The following MEGF11 variants were observed in gnomAD, a reference collection of about 807,000 sequenced individuals.
MEGF11 encodes multiple EGF like domains 11.
In MEGF11, 126 loss-of-function variants were observed where a neutral mutation model predicts 146.6. That is an observed-to-expected ratio of 0.86 (90% CI 0.74 to 1.00). MEGF11 has a LOEUF of 1.00. Ranked by LOEUF, MEGF11 falls within the 50% of genes least tolerant of loss-of-function variation. MEGF11 has a pLI of 0.00. For missense variants in MEGF11, 1,509 were observed against 1,521.2 expected (o/e 0.99, Z 0.13); for synonymous variants, 532 against 583.4 (o/e 0.91, Z 1.27).
intron 5 of MEGF11, among the ~76,000 whole-genome samples, chr15:66,014,944 C>A (rs545572961): frequency 6.9e-6 from 1 of 144,188 alleles, no homozygotes; most frequent in East Asian, 2.1e-4. Flanking sequence ...TGCTTGTACG[C>A]GCTCAACAAC....
Position 65,916,243 on chromosome 15 carries a change from C to T in MEGF11, c.2249G>A (p.Gly750Glu). 6.4e-7 allele frequency: 1 copy of T among 1,559,660 alleles called. No homozygotes were observed. Among genetic ancestry groups the T allele is most frequent in the Non-Finnish European group, 8.7e-7 (1 of 1,151,726 alleles). The change falls in exon 18 of 26, where the codon GGG becomes GAG. Residue 750 changes from glycine to glutamate, a missense_variant. Transcript: ENST00000395614. Reference protein sequence around the residue: ...CPAAFFGKDCGRVCQCQNGAS... With the variant: ...CPAAFFGKDCERVCQCQNGAS... ...GCCATTCTGACACTGGCATACGCGCCCACAGTCCTTCCCAAAAAATGCTGC... is the reference window on the plus strand; with the variant it reads ...GCCATTCTGACACTGGCATACGCGCTCACAGTCCTTCCCAAAAAATGCTGC...
rs535695927 is a variant in MEGF11 at position 65,957,435 on chromosome 15, C to T, written c.1287+112G>A. 3.5e-4 allele frequency: 356 copies of T among 1,030,448 alleles called. 1 individual carries two copies. Among genetic ancestry groups the T allele is most frequent in the Middle Eastern group, 1.9e-3 (6 of 3,120 alleles). 63.8% of individuals were successfully genotyped at this position (1,030,448 alleles called of 1,614,324 possible). On this transcript the variant is annotated intron_variant, in intron 10 of 25. Coordinates refer to ENST00000395614, the MANE Select transcript of MEGF11 (RefSeq NM_001385028.1). ...CCCCTCATGAAGTCTGTCTCTGAGG[C>T]GGACACAAGGAGGCAGCTGGGTGCA...
intron 10 of MEGF11, among the ~76,000 whole-genome samples, chr15:65,939,017 T>C (rs2079885382): frequency 6.6e-6 from 1 of 152,176 alleles, no homozygotes; most frequent in Admixed American, 6.5e-5. Context: ...TTTTTTGGAC[T>C]AATTGGAGGA....
chr15:66,218,452 C>T (rs1458654604), intron 1 of MEGF11, among the ~76,000 whole-genome samples: 1 of 152,154 alleles, frequency 6.6e-6, no homozygotes, highest in Non-Finnish European at 1.5e-5. Context: ...TCCCCAAACT[C>T]GATTTTCCCA....
At chr15:65,920,459 C>A (rs1596840651) in intron 15 of MEGF11, among the ~76,000 whole-genome samples, 1 of 152,212 alleles carries the variant, frequency 6.6e-6, no homozygotes, top group African/African-American at 2.4e-5. Context: ...GGTGCCAGAG[C>A]TGCTCCCCCT....
intron 18 of MEGF11, among the ~76,000 whole-genome samples, chr15:65,915,864 T>C (rs2078980423): frequency 6.6e-6 from 1 of 151,940 alleles, no homozygotes; most frequent in Non-Finnish European, 1.5e-5. Flanking sequence ...CTGAATGCCA[T>C]AGGGACTTTA....
chr15:66,125,797 A>G (rs956474196), intron 2 of MEGF11, among the ~76,000 whole-genome samples: 1 of 152,128 alleles, frequency 6.6e-6, no homozygotes, highest in African/African-American at 2.4e-5. Context: ...AACACACAGA[A>G]TGGATTCCCC....
chr15:66,142,343 A>G (rs2089200098), intron 1 of MEGF11, among the ~76,000 whole-genome samples: 1 of 152,240 alleles, frequency 6.6e-6, no homozygotes, highest in Non-Finnish European at 1.5e-5. Context: ...AGCCGTGGCA[A>G]CATCTTTGCA....
At chr15:66,183,196 G>A (rs2090598895) in intron 1 of MEGF11, among the ~76,000 whole-genome samples, 1 of 152,118 alleles carries the variant, frequency 6.6e-6, no homozygotes, top group African/African-American at 2.4e-5. Context: ...TGAGGAGAGG[G>A]GAAGGAGAAG....
intron 4 of MEGF11, among the ~76,000 whole-genome samples, chr15:66,106,947 C>T (rs916281470): frequency 1.3e-5 from 2 of 152,116 alleles, no homozygotes; most frequent in Non-Finnish European, 2.9e-5. Flanking sequence ...TCCTATCATC[C>T]AGCAACTACA....
intron 5 of MEGF11, among the ~76,000 whole-genome samples, chr15:66,069,355 A>G (rs1322993343): frequency 6.6e-6 from 1 of 152,246 alleles, no homozygotes; most frequent in Non-Finnish European, 1.5e-5. Context: ...GCCATGAAGC[A>G]AGGAATAGGA....
At chr15:66,158,749 C>T (rs1263540931) in intron 1 of MEGF11, among the ~76,000 whole-genome samples, 3 of 152,156 alleles carry the variant, frequency 2.0e-5, no homozygotes, top group Non-Finnish European at 4.4e-5. Context: ...GAAAAATCAC[C>T]GGCTCTCAAA....
intron 1 of MEGF11, among the ~76,000 whole-genome samples, chr15:66,199,748 C>T (rs2091103302): frequency 6.6e-6 from 1 of 152,076 alleles, no homozygotes. Context: ...ATGATTGCAC[C>T]ACTGCACTTC....
chr15:66,187,822 A>C (rs545837168), intron 1 of MEGF11, among the ~76,000 whole-genome samples: 1 of 152,384 alleles, frequency 6.6e-6, no homozygotes, highest in African/African-American at 2.4e-5. Context: ...GCCAGCCGGC[A>C]TCATACCTAT....
At chr15:66,090,803 A>G (rs575518211) in intron 5 of MEGF11, among the ~76,000 whole-genome samples, 6 of 152,366 alleles carry the variant, frequency 3.9e-5, no homozygotes, top group African/African-American at 1.4e-4. Flanking sequence ...GTTTATTAAC[A>G]AGAAAATGAG....
intron 15 of MEGF11, among the ~76,000 whole-genome samples, chr15:65,919,575 G>A (rs1041070375): frequency 2.6e-5 from 4 of 152,286 alleles, no homozygotes; most frequent in South Asian, 2.1e-4. Context: ...AAGTGTACAC[G>A]TGGTGTTGGA....
At chr15:66,228,282 T>C (rs192004384) in intron 1 of MEGF11, among the ~76,000 whole-genome samples, 1 of 151,972 alleles carries the variant, frequency 6.6e-6, no homozygotes, top group East Asian at 1.9e-4. Context: ...GTCAATAAAG[T>C]GACGGAGCCC....
At chr15:66,073,179 G>A (rs1251969768) in intron 5 of MEGF11, among the ~76,000 whole-genome samples, 1 of 152,126 alleles carries the variant, frequency 6.6e-6, no homozygotes, top group Non-Finnish European at 1.5e-5. Flanking sequence ...GATGAATGGC[G>A]AGGCCTCTGG....
intron 1 of MEGF11, among the ~76,000 whole-genome samples, chr15:66,252,375 C>T (rs977860782): frequency 3.1e-4 from 47 of 152,354 alleles, no homozygotes; most frequent in African/African-American, 1.1e-3. Context: ...CCTCCTCCAA[C>T]CCGCCGCAGG....
Sources: allele counts gnomAD v4.1 joint callset (sites outside exome capture counted in the v4.1 genomes callset), GRCh38; gene constraint gnomAD v4.1.1; transcripts MANE v1.5; gene names NCBI Gene and HGNC (gene_info 2026-07-23, HGNC 2026-07-21).